GRM8: variants seen among roughly 807,000 people sequenced by gnomAD.
The protein encoded by GRM8 is metabotropic glutamate receptor 8.
Under a neutral mutation model 87.2 loss-of-function variants are expected in GRM8, and 47 were observed. The observed-to-expected ratio is 0.54, with a 90% CI of 0.43 to 0.69. The LOEUF (loss-of-function observed/expected upper bound fraction) is 0.69. Among genes scored for constraint, GRM8 ranks in the 30% least tolerant of loss-of-function variants. The pLI, the probability that GRM8 is intolerant of heterozygous loss-of-function variation, is 0.00. For missense variants in GRM8, 1,019 were observed against 1,139.2 expected, an observed-to-expected ratio of 0.89 and a Z score of 1.52; for synonymous variants, 396 against 404.5, an observed-to-expected ratio of 0.98 and a Z score of 0.25.
At chr7:127,003,753 A>C (rs1030036919) in intron 3 of GRM8, among the ~76,000 whole-genome samples, 1 of 151,724 alleles carries the variant, frequency 6.6e-6, no homozygotes, top group African/African-American at 2.4e-5. Flanking sequence ...ATCCAGCATG[A>C]GCCAGCATGG....
At chr7:126,807,070 A>G (rs986594390) in intron 6 of GRM8, among the ~76,000 whole-genome samples, 1 of 152,192 alleles carries the variant, frequency 6.6e-6, no homozygotes, top group Non-Finnish European at 1.5e-5. Context: ...CAGGGGATAT[A>G]CATTGTCAGG....
intron 2 of GRM8, among the ~76,000 whole-genome samples, chr7:127,158,459 A>G (rs1309505952): frequency 1.3e-5 from 2 of 152,238 alleles, no homozygotes; most frequent in East Asian, 1.9e-4. Flanking sequence ...TACTGCCGCT[A>G]TAATAAAAAT....
intron 2 of GRM8, among the ~76,000 whole-genome samples, chr7:127,140,296 T>C (rs1350296777): frequency 6.6e-6 from 1 of 152,088 alleles, no homozygotes; most frequent in Non-Finnish European, 1.5e-5. Context: ...TAGCAAACCC[T>C]GTCCCCAATC....
chr7:126,687,289 T>C (rs1254742253), intron 7 of GRM8, among the ~76,000 whole-genome samples: 1 of 152,210 alleles, frequency 6.6e-6, no homozygotes, highest in African/African-American at 2.4e-5. Flanking sequence ...TTCCTAAACC[T>C]TTTAGTTTAG....
At chr7:126,442,567 AT>A (rs1801589313) in intron 10 of GRM8, among the ~76,000 whole-genome samples, 1 of 151,974 alleles carries the variant, frequency 6.6e-6, no homozygotes, top group African/African-American at 2.4e-5. Context: ...TAGTTATAAA[AT>A]TTGTATATAG....
intron 6 of GRM8, among the ~76,000 whole-genome samples, chr7:126,874,323 T>C (rs1037017488): frequency 6.6e-6 from 1 of 152,076 alleles, no homozygotes; most frequent in Non-Finnish European, 1.5e-5. Flanking sequence ...TATAAGTCAT[T>C]GAATCCTAAT....
chr7:127,071,093 T>TA (rs750124519), intron 3 of GRM8, among the ~76,000 whole-genome samples: 3 of 152,146 alleles, frequency 2.0e-5, no homozygotes, highest in Non-Finnish European at 4.4e-5. Context: ...TCATCCTTAC[T>TA]ATTTCACAGA....
intron 10 of GRM8, among the ~76,000 whole-genome samples, chr7:126,439,937 T>C (rs911860207): frequency 6.6e-6 from 1 of 151,888 alleles, no homozygotes. Flanking sequence ...AGTAAGGGTA[T>C]AAAGAAAATA....
At chr7:126,447,720 C>A (rs1017999055) in intron 9 of GRM8, among the ~76,000 whole-genome samples, 1 of 151,928 alleles carries the variant, frequency 6.6e-6, no homozygotes, top group African/African-American at 2.4e-5. Context: ...GATGGCAAAA[C>A]CTTGCGGTAA....
chr7:127,059,283 G>C (rs1194504601), intron 3 of GRM8, among the ~76,000 whole-genome samples: 1 of 149,758 alleles, frequency 6.7e-6, no homozygotes, highest in Non-Finnish European at 1.5e-5. Flanking sequence ...CCGTCATTTT[G>C]TAGATGTTTT....
At chr7:126,902,794 A>C (rs370173060) in intron 5 of GRM8, 115 bp from the exon 6 acceptor site, 2 of 663,892 alleles carry the variant, frequency 3.0e-6, no homozygotes, top group Non-Finnish European at 4.8e-6. Context: ...AACAAAACAC[A>C]TAACAAATGA....
At position 127,122,705 on chromosome 7, in the gene GRM8, T is replaced by C. The variant is rs1004196240; in HGVS notation, c.511-15993A>G. Among the ~76,000 whole-genome samples, 7 of 152,098 alleles carry C rather than the reference T, an allele frequency of 4.6e-5. No homozygotes were observed. The East Asian group carries it at 1.3e-3, about 29-fold the overall frequency. ...GTACTGCAAATGTAGACATTTTCTT[T>C]TGTAAACAAATAAATAGAAAGTAGG... On this transcript the variant is annotated intron_variant, in intron 2 of 10. Coordinates refer to ENST00000339582, the MANE Select transcript of GRM8 (RefSeq NM_000845.3).
chr7:127,121,032 G>T (rs573761292), intron 2 of GRM8, among the ~76,000 whole-genome samples: 1 of 152,168 alleles, frequency 6.6e-6, no homozygotes, highest in South Asian at 2.1e-4. Context: ...ATAAAAATTT[G>T]GCAAAGCCTG....
rs1801166615 is a variant in GRM8, at chr7:126,439,186, G to A, written c.2678-18C>T. The A allele has an allele frequency of 7.2e-7, 1 of 1,388,522 alleles. No individual in the cohort carries two copies. Among genetic ancestry groups the A allele is most frequent in the Non-Finnish European group, 1.0e-6 (1 of 974,756 alleles). 86.0% of individuals were successfully genotyped at this position (1,388,522 alleles called of 1,614,324 possible). On this transcript the variant is annotated intron_variant, in intron 10 of 10. Transcript: ENST00000339582. ...AGAGGAAGCTGTTAAGATAAATGAG[G>A]ACAAATTAAAATAGTATATAATAAT... is the stretch of plus-strand genomic sequence containing the variant.
At chr7:126,578,222 G>T (rs1795284942) in intron 8 of GRM8, among the ~76,000 whole-genome samples, 1 of 152,088 alleles carries the variant, frequency 6.6e-6, no homozygotes, top group African/African-American at 2.4e-5. Context: ...CTGACATGTA[G>T]GTTTTTTAAA....
intron 9 of GRM8, among the ~76,000 whole-genome samples, chr7:126,515,233 T>C (rs1405317155): frequency 6.6e-6 from 1 of 152,148 alleles, no homozygotes; most frequent in African/African-American, 2.4e-5. Flanking sequence ...CATGATCAAA[T>C]GTGAATTAGG....
chr7:126,734,892 A>G (rs543328455), intron 7 of GRM8, among the ~76,000 whole-genome samples: 1 of 152,080 alleles, frequency 6.6e-6, no homozygotes, highest in Non-Finnish European at 1.5e-5. Context: ...GTTTAGCACC[A>G]GGAAAGAGAG....
chr7:126,547,382 T>G (rs749522152), intron 8 of GRM8, among the ~76,000 whole-genome samples: 1 of 152,004 alleles, frequency 6.6e-6, no homozygotes, highest in African/African-American at 2.4e-5. Flanking sequence ...TAAAAATAGA[T>G]GCATGAAATA....
chr7:126,992,559 C>T (rs113671093), intron 3 of GRM8, among the ~76,000 whole-genome samples: 4 of 151,986 alleles, frequency 2.6e-5, no homozygotes, highest in African/African-American at 9.7e-5. Context: ...TGGGCACAGG[C>T]AGTTCATTAA....
Sources: gnomAD v4.1 joint callset for allele counts (sites outside exome capture counted in the v4.1 genomes callset) on GRCh38, gnomAD v4.1.1 for gene constraint, MANE v1.5 for transcripts, NCBI Gene and HGNC (gene_info 2026-07-23, HGNC 2026-07-21) for gene names.